The following MYOF variants were observed in gnomAD, a reference collection of about 807,000 sequenced individuals.
The protein encoded by MYOF is myoferlin, also known as fer-1-like 3, myoferlin.
In MYOF, 244 loss-of-function variants were observed where a neutral mutation model predicts 284.2. The ratio of observed to expected loss-of-function variants is 0.86; its 90% CI spans 0.77 to 0.95. MYOF has a LOEUF of 0.95. MYOF is among the 40% of genes least tolerant of loss of function. The pLI, the probability that MYOF is intolerant of heterozygous loss-of-function variation, is 0.00. For synonymous variants in MYOF, 904 were observed against 919.7 expected (o/e 0.98, Z 0.31); for missense variants, 2,496 against 2,560.6 (o/e 0.97, Z 0.54).
At chr10:93,336,150 G>A (rs749666897) in intron 40 of MYOF, 104 bp from the exon 41 acceptor site, 71 of 1,305,974 alleles carry the variant, frequency 5.4e-5, no homozygotes, top group Middle Eastern at 2.0e-4. Context: ...TGGATGGGGC[G>A]ACCGGAACTC....
chr10:93,330,772 T>C (rs1843261265), intron 43 of MYOF, among the ~76,000 whole-genome samples: 1 of 152,132 alleles, frequency 6.6e-6, no homozygotes, highest in Non-Finnish European at 1.5e-5. Context: ...CCTCTCTGCC[T>C]CCTCCCCTTC....
At chr10:93,424,055 G>A (rs1195023547) in intron 5 of MYOF, among the ~76,000 whole-genome samples, 1 of 152,174 alleles carries the variant, frequency 6.6e-6, no homozygotes, top group Admixed American at 6.5e-5. Context: ...GAAAGGCTGA[G>A]AGGCTCCAGA....
chr10:93,338,356 A>G, intron 39 of MYOF: 1 of 457,022 alleles, frequency 2.2e-6, no homozygotes, highest in Non-Finnish European at 4.4e-6. Context: ...AAAATTGGAA[A>G]AACTGGTTTT....
In MYOF at chr10:93,378,946, T is replaced by C. The variant is rs190363993; in HGVS notation, c.2001+917A>G. Among the ~76,000 whole-genome samples the C allele has an allele frequency of 2.0e-3, 300 of 151,780 alleles. 1 individual carries two copies. Among genetic ancestry groups the C allele is most frequent in the African/African-American group, 7.0e-3 (290 of 41,394 alleles). On this transcript the variant is annotated intron_variant, in intron 21 of 53. Coordinates refer to ENST00000359263, the MANE Select transcript of MYOF (RefSeq NM_013451.4). ...GGCCAGGCTGGTCTCTAACTCCTGA[T>C]CTCAAATGATCTGCCCACCTTGGTA...
intron 3 of MYOF, among the ~76,000 whole-genome samples, chr10:93,441,239 A>C (rs2056238499): frequency 6.6e-6 from 1 of 152,228 alleles, no homozygotes; most frequent in South Asian, 2.1e-4. Context: ...AAATAAAAGT[A>C]ATAAAAGCTT....
intron 5 of MYOF, among the ~76,000 whole-genome samples, chr10:93,424,180 G>A (rs535761019): frequency 6.6e-6 from 1 of 152,212 alleles, no homozygotes; most frequent in East Asian, 1.9e-4. Context: ...GCAGACCTAG[G>A]AAACTAATAA....
intron 12 of MYOF, 121 bp downstream of exon 12, chr10:93,401,297 G>A (rs1004388681): frequency 7.2e-7 from 1 of 1,379,946 alleles, no homozygotes; most frequent in Non-Finnish European, 9.8e-7. Flanking sequence ...ATAAGCCCAT[G>A]AAGCCCTTTC....
intron 7 of MYOF, among the ~76,000 whole-genome samples, chr10:93,406,224 G>T (rs1847565629): frequency 7.0e-6 from 1 of 142,928 alleles, no homozygotes; most frequent in African/African-American, 2.5e-5. Flanking sequence ...CTCCCAAAGT[G>T]CCAGTATTAC....
At chr10:93,476,202 G>GT (rs1191211768) in intron 1 of MYOF, among the ~76,000 whole-genome samples, 1 of 147,864 alleles carries the variant, frequency 6.8e-6, no homozygotes, top group Non-Finnish European at 1.5e-5. Context: ...ACAAACCACA[G>GT]TGAATACTAT....
At chr10:93,455,189 T>G (rs1300051817) in intron 2 of MYOF, among the ~76,000 whole-genome samples, 1 of 151,414 alleles carries the variant, frequency 6.6e-6, no homozygotes, top group Non-Finnish European at 1.5e-5. Context: ...CTCAGGAGGC[T>G]GAGGCAGGAG....
chr10:93,421,555 G>C (rs909157932), intron 5 of MYOF, among the ~76,000 whole-genome samples: 1 of 152,184 alleles, frequency 6.6e-6, no homozygotes, highest in Non-Finnish European at 1.5e-5. Context: ...AAGGTGTTTG[G>C]GTCATGGGGG....
intron 29 of MYOF, among the ~76,000 whole-genome samples, chr10:93,358,272 T>G (rs1374361172): frequency 6.6e-6 from 1 of 152,082 alleles, no homozygotes; most frequent in East Asian, 1.9e-4. Flanking sequence ...CTAGTCAGAA[T>G]AGAGATTATT....
At chr10:93,384,848 G>T (rs1846289128) in intron 19 of MYOF, among the ~76,000 whole-genome samples, 1 of 152,184 alleles carries the variant, frequency 6.6e-6, no homozygotes, top group African/African-American at 2.4e-5. Context: ...GTTGTTGAAA[G>T]TGGCTGTGGA....
intron 30 of MYOF, among the ~76,000 whole-genome samples, chr10:93,356,292 A>C (rs1844800525): frequency 6.6e-6 from 1 of 152,062 alleles, no homozygotes; most frequent in African/African-American, 2.4e-5. Flanking sequence ...TCCTCCCCCG[A>C]CATCTGTATA....
chr10:93,387,962 AG>A (rs1648178256), intron 18 of MYOF, 49 bp from the exon 19 acceptor site: 2 of 1,444,626 alleles, frequency 1.4e-6, no homozygotes, highest in East Asian at 4.5e-5. Context: ...AACAGCAAAA[AG>A]AATTCTGTGT....
Position 93,323,123 on chromosome 10 carries a change from T to G in MYOF, c.5411A>C (p.Glu1804Ala), listed in dbSNP as rs1842907788. The change falls in exon 48 of 54, where the codon GAG becomes GCG. Residue 1804 changes from glutamate to alanine, a missense_variant. Glu to Ala is a moderately radical substitution (Grantham distance 107). Transcript: ENST00000359263. The stretch of plus-strand genomic sequence containing the variant: ...CATTTCCTCTCCTGTGATGCTTTTC[T>G]CGTCCAAGATAACGTCCTTGGTGTT... ...IWNTKDVILD[E>A]KSITGEEMSD... is the part of the protein sequence containing the mutation. 1 of 1,614,062 alleles carries G rather than the reference T, an allele frequency of 6.2e-7. No individual in the cohort carries two copies. Among genetic ancestry groups the G allele is most frequent in the African/African-American group, 1.3e-5 (1 of 74,940 alleles).
At chr10:93,455,883 G>A (rs2056733148) in intron 2 of MYOF, among the ~76,000 whole-genome samples, 1 of 152,140 alleles carries the variant, frequency 6.6e-6, no homozygotes, top group Non-Finnish European at 1.5e-5. Context: ...AAAAGTTAAA[G>A]TTTCATGAAT....
chr10:93,353,779 C>A (rs755297931), intron 32 of MYOF, 32 bp downstream of exon 32: 3 of 1,520,998 alleles, frequency 2.0e-6, no homozygotes, highest in Admixed American at 3.6e-5. Context: ...GCTATGTAAT[C>A]ATGTGTAGCA....
chr10:93,475,236 C>G (rs933587439), intron 1 of MYOF, among the ~76,000 whole-genome samples: 1 of 152,212 alleles, frequency 6.6e-6, no homozygotes, highest in East Asian at 1.9e-4. Flanking sequence ...CAGACCTGCT[C>G]AAAGCACACC....
Sources: allele counts gnomAD v4.1 joint callset (sites outside exome capture counted in the v4.1 genomes callset), GRCh38; gene constraint gnomAD v4.1.1; transcripts MANE v1.5; gene names NCBI Gene and HGNC (gene_info 2026-07-23, HGNC 2026-07-21).